The following C4orf36 variants were observed in gnomAD, a reference collection of about 807,000 sequenced individuals.
C4orf36 encodes chromosome 4 open reading frame 36, also known as uncharacterized protein C4orf36.
A neutral mutation model predicts 12.2 loss-of-function variants in C4orf36; 11 were observed. The ratio of observed to expected loss-of-function variants is 0.90; its 90% CI spans 0.57 to 1.49. The LOEUF is 1.49. Ranked by LOEUF, C4orf36 falls within the 40% of genes most tolerant of loss-of-function variation. C4orf36 has a pLI of 0.00. For missense variants in C4orf36, 137 were observed against 133.9 expected (o/e 1.02, Z -0.11); for synonymous variants, 54 against 51.3 (o/e 1.05, Z -0.22).
chr4:86,903,963 T>A, the C4orf36 span, among the ~76,000 whole-genome samples: 9 of 152,356 alleles, frequency 5.9e-5, no homozygotes, highest in African/African-American at 2.2e-4. Flanking sequence ...CACAGAGCGC[T>A]GATTGGTGCG....
chr4:86,902,602 A>G, the C4orf36 span, among the ~76,000 whole-genome samples: 6 of 152,158 alleles, frequency 3.9e-5, no homozygotes, highest in East Asian at 1.2e-3. Flanking sequence ...TTGGGAAACT[A>G]ATACACCACC....
chr4:86,901,223 C>G, the C4orf36 span, among the ~76,000 whole-genome samples: 1 of 151,670 alleles, frequency 6.6e-6, no homozygotes, highest in Admixed American at 6.6e-5. Flanking sequence ...TTCAAGTGAG[C>G]CACCTGCCTC....
chr4:86,914,440 G>T, the C4orf36 span: 1 of 604,294 alleles, frequency 1.7e-6, no homozygotes, highest in Non-Finnish European at 2.6e-6. Context: ...TGGCTCTATC[G>T]CCCAGGCTGG....
chr4:86,929,206 T>C, the C4orf36 span, among the ~76,000 whole-genome samples: 1 of 152,214 alleles, frequency 6.6e-6, no homozygotes, highest in South Asian at 2.1e-4. Context: ...CGGCATGTTT[T>C]ACCTGGGTCC....
the C4orf36 span, among the ~76,000 whole-genome samples, chr4:86,897,434 G>A: frequency 6.6e-6 from 1 of 152,094 alleles, no homozygotes; most frequent in Admixed American, 6.6e-5. Flanking sequence ...CTAGTAAGTT[G>A]TAGAGCCAGA....
At chr4:86,885,398 T>C (rs1463085943) in intron 4 of C4orf36, among the ~76,000 whole-genome samples, 3 of 152,232 alleles carry the variant, frequency 2.0e-5, no homozygotes, top group African/African-American at 7.2e-5. Flanking sequence ...TAGTTCTCCT[T>C]GAAGAGGTCC....
the C4orf36 span, among the ~76,000 whole-genome samples, chr4:86,919,315 C>CTTTTTTTTTTTT: frequency 3.9e-4 from 32 of 81,356 alleles, no homozygotes; most frequent in East Asian, 7.8e-4. Flanking sequence ...TTTTTTCCCC[C>CTTTTTTTTTTTT]TTTTTTTTTT....
At chr4:86,891,794 G>A (rs1380158114) in intron 1 of C4orf36, among the ~76,000 whole-genome samples, 7 of 152,088 alleles carry the variant, frequency 4.6e-5, no homozygotes, top group Non-Finnish European at 8.8e-5. Context: ...GAAAATGCCA[G>A]GTAAGTTTCG....
chr4:86,889,537 A>C (rs1260619328), intron 2 of C4orf36, among the ~76,000 whole-genome samples: 2 of 152,172 alleles, frequency 1.3e-5, no homozygotes, highest in African/African-American at 4.8e-5. Flanking sequence ...TACACACATG[A>C]ACTCATGTAA....
chr4:86,921,259 A>G, the C4orf36 span, among the ~76,000 whole-genome samples: 3 of 152,108 alleles, frequency 2.0e-5, no homozygotes, highest in African/African-American at 7.2e-5. Context: ...GAAAACTGTC[A>G]CACACACAAA....
the C4orf36 span, among the ~76,000 whole-genome samples, chr4:86,932,748 T>C: frequency 1.9e-5 from 2 of 106,464 alleles, no homozygotes; most frequent in African/African-American, 7.2e-5. Flanking sequence ...TCATCATATT[T>C]AAAAGGGAGA....
At position 86,876,389 on chromosome 4, in the gene C4orf36, G is replaced by A. The variant is rs1423725851; in HGVS notation, c.*57C>T. ...GGAGCGGGTCCTGGGCGGCCCAGGA[G>A]AAGCAGTTCCCGCCGGCGCTGCTGA... On this transcript the variant is annotated 3_prime_UTR_variant, in exon 5 of 5. Coordinates refer to ENST00000295898, the MANE Select transcript of C4orf36 (RefSeq NM_144645.4). 1 of 1,608,356 alleles carries A rather than the reference G, an allele frequency of 6.2e-7. No homozygotes were observed. Among genetic ancestry groups the A allele is most frequent in the Non-Finnish European group, 8.5e-7 (1 of 1,177,684 alleles).
the C4orf36 span, among the ~76,000 whole-genome samples, chr4:86,916,571 A>G: frequency 1.3e-5 from 2 of 152,244 alleles, no homozygotes; most frequent in Non-Finnish European, 2.9e-5. Flanking sequence ...GACCCCTGAT[A>G]TGGCACCATT....
the C4orf36 span, among the ~76,000 whole-genome samples, chr4:86,909,034 G>A: frequency 6.6e-6 from 1 of 152,148 alleles, no homozygotes; most frequent in Non-Finnish European, 1.5e-5. Context: ...CAATGTGGTG[G>A]GGAGTGGGAC....
chr4:86,911,934 C>T, the C4orf36 span, among the ~76,000 whole-genome samples: 4 of 152,186 alleles, frequency 2.6e-5, no homozygotes, highest in Non-Finnish European at 5.9e-5. Context: ...GATCTTGGCT[C>T]ACTGCAACCT....
chr4:86,927,799 CAA>C, the C4orf36 span, among the ~76,000 whole-genome samples: 248 of 144,972 alleles, frequency 1.7e-3, 1 homozygote, highest in Non-Finnish European at 1.7e-3. Flanking sequence ...GGCTCCATTT[CAA>C]AAAAAAAAAA....
At chr4:86,909,429 G>A in the C4orf36 span, among the ~76,000 whole-genome samples, 1 of 152,170 alleles carries the variant, frequency 6.6e-6, no homozygotes, top group Non-Finnish European at 1.5e-5. Context: ...ACCGGCTGCA[G>A]GAAGGTAGAA....
chr4:86,912,205 A>C, the C4orf36 span, among the ~76,000 whole-genome samples: 1 of 151,676 alleles, frequency 6.6e-6, no homozygotes, highest in South Asian at 2.1e-4. Context: ...ACAAACAAAC[A>C]AAACAGAGTC....
At chr4:86,917,502 AAG>A in the C4orf36 span, among the ~76,000 whole-genome samples, 10 of 144,090 alleles carry the variant, frequency 6.9e-5, no homozygotes, top group East Asian at 1.2e-3. Flanking sequence ...GAGAGAAAGA[AAG>A]AGAAAAAGAA....
Sources: allele counts gnomAD v4.1 joint callset (sites outside exome capture counted in the v4.1 genomes callset), GRCh38; gene constraint gnomAD v4.1.1; transcripts MANE v1.5; gene names NCBI Gene and HGNC (gene_info 2026-07-23, HGNC 2026-07-21).